Variants in CELSR3 observed in about 807,000 individuals in gnomAD.
CELSR3 encodes the protein cadherin EGF LAG seven-pass G-type receptor 3.
CELSR3 carries 73 observed loss-of-function variants against 270.0 expected under a neutral mutation model. That is an observed-to-expected ratio of 0.27 (90% confidence interval 0.22 to 0.33). The LOEUF (loss-of-function observed/expected upper bound fraction) is 0.33. Ranked by LOEUF, CELSR3 falls within the 10% of genes least tolerant of loss-of-function variation. The pLI, the probability that CELSR3 is intolerant of heterozygous loss-of-function variation, is 1.00. For synonymous variants in CELSR3, 1,780 were observed against 1,905.4 expected, an observed-to-expected ratio of 0.93 and a Z score of 1.71; for missense variants, 3,614 against 4,533.8, an observed-to-expected ratio of 0.80 and a Z score of 5.83.
chr3:48,648,130 T>C (rs2047104099), intron 19 of CELSR3, 134 bp from the exon 20 acceptor site: 1 of 1,429,882 alleles, frequency 7.0e-7, no homozygotes, highest in Non-Finnish European at 9.5e-7. Flanking sequence ...AGCCTGTCCC[T>C]ACAAAACGCT....
Position 48,659,737 on chromosome 3 carries a change from A to G in CELSR3, c.2898T>C (p.Tyr966=), listed in dbSNP as rs761008552. The G allele has an allele frequency of 6.2e-6, 10 of 1,614,218 alleles. No homozygotes were observed. The South Asian group carries it at 1.1e-4, about 18-fold the overall frequency. ...DNAPQFVASH[Y]TGLVSEDAPP... is the part of the protein sequence containing the mutation. ...GGGCATCCTCAGAGACCAGCCCTGT[A>G]TAGTGGGAGGCCACAAATTGTGGAG... Residue 966 remains tyrosine (Y), a synonymous_variant, in exon 1 of 35, where the codon TAT becomes TAC. Transcript: ENST00000164024. This position sits in a 1 kb window ranked among gnomAD's most constrained non-coding sequence, Gnocchi z 8.1.
At position 48,654,435 on chromosome 3, in the gene CELSR3, C is replaced by A; in HGVS notation, c.5006G>T (p.Gly1669Val). The A allele has an allele frequency of 1.3e-6, 2 of 1,595,384 alleles. No individual in the cohort carries two copies. The highest frequency in any genetic ancestry group is 1.7e-6 in the Non-Finnish European group (2 of 1,167,672). ...GGGGACACCTCCCAGAAGAAGAGGG[C>A]CCGTCAGGTCCAGGGACCTGGGGAT... The part of the protein sequence containing the change: ...TSSKKSLDLT[G>V]PLLLGGVPNL... Residue 1669 changes from glycine to valine, a missense_variant, in exon 7 of 35, where the codon GGC becomes GTC. Gly to Val is a moderately radical substitution (Grantham distance 109). Around this residue, in one of 7 missense-constraint regions of CELSR3, gnomAD observed 1,331 missense variants for 1,933.7 expected, o/e 0.69. Transcript: ENST00000164024. This position sits in a 1 kb window ranked among gnomAD's most constrained non-coding sequence, Gnocchi z 5.4.
In CELSR3 at chr3:48,639,938, G is replaced by T. The variant is rs1389951176; in HGVS notation, c.9647C>A (p.Ala3216Asp). 9 of 1,612,926 alleles carry T rather than the reference G, an allele frequency of 5.6e-6. No homozygotes were observed. The highest frequency in any genetic ancestry group is 1.3e-5 in the African/African-American group (1 of 74,936). Residue 3216 changes from alanine to aspartate, a missense_variant, in exon 34 of 35, where the codon GCC becomes GAC. Ala to Asp is a moderately radical substitution (Grantham distance 126). Transcript: ENST00000164024. This position sits in a 1 kb window ranked among gnomAD's most constrained non-coding sequence, Gnocchi z 4.1. ...GAGCAGCTGCGGGAGTGGCCCAAGG[G>T]CTTCTCGTGAGGGGTGCCGGCTAGG... ...QVPSRHPSRE[A>D]LGPLPQLLRA...
In CELSR3 at chr3:48,656,332, C is replaced by A; in HGVS notation, c.4433G>T (p.Arg1478Leu). Residue 1478 changes from arginine (R) to leucine (L), a missense_variant, in exon 3 of 35, where the codon CGC becomes CTC. This residue lies in a region of CELSR3 where 1,331 missense variants were observed against 1,933.7 expected (regional missense o/e 0.69). Coordinates refer to ENST00000164024, the MANE Select transcript of CELSR3 (RefSeq NM_001407.3). The stretch of plus-strand genomic sequence containing the variant: ...GTTGCGGCAGACGCCCGGCACGCAG[C>A]GGCCGGCCTCGGTGTCCAGCTCGCA... ...EDCELDTEAG[R>L]CVPGVCRNGG... 7.0e-7 allele frequency: 1 copy of A among 1,438,794 alleles called. No individual in the cohort carries two copies. Among genetic ancestry groups the A allele is most frequent in the Non-Finnish European group, 9.0e-7 (1 of 1,110,016 alleles). The allele number at this position is 1,438,794 out of a possible 1,614,324, so 89.1% of individuals were successfully genotyped here.
In CELSR3 at chr3:48,652,333, C is replaced by T. The variant is rs548114016; in HGVS notation, c.5751+104G>A. 17 of 976,550 alleles carry T rather than the reference C, an allele frequency of 1.7e-5. No homozygotes were observed. Among genetic ancestry groups the T allele is most frequent in the Admixed American group, 3.5e-5 (2 of 57,368 alleles). The allele number at this position is 976,550 out of a possible 1,614,324, so 60.5% of individuals were successfully genotyped here. ...CTCAACTCTGGGTCATTCACCCCCT[C>T]GCACCAACCCCCACTTGAATACTGC... On this transcript the variant is annotated intron_variant, in intron 11 of 34. Transcript: ENST00000164024. This position sits in a 1 kb window ranked among gnomAD's most constrained non-coding sequence, Gnocchi z 4.3.
rs1387473817 is a variant in CELSR3, at chr3:48,656,235, G to A, written c.4530C>T (p.Gly1510=). 8 of 1,534,822 alleles carry A rather than the reference G, an allele frequency of 5.2e-6. No individual in the cohort carries two copies. Among genetic ancestry groups the A allele is most frequent in the Non-Finnish European group, 6.1e-6 (7 of 1,146,342 alleles). The change falls in exon 3 of 35, where the codon GGC becomes GGT. Residue 1510 remains glycine (G), a synonymous_variant. Coordinates refer to ENST00000164024, the MANE Select transcript of CELSR3 (RefSeq NM_001407.3). ...CQCPAGGAFE[G]PRCEVAARSF... is the part of the protein sequence containing the mutation. Reference sequence around the variant, plus strand: ...AGCGCGCAGCCACCTCGCAGCGCGGGCCCTCGAAGGCGCCGCCTGCCGGGC... The same window carrying A: ...AGCGCGCAGCCACCTCGCAGCGCGGACCCTCGAAGGCGCCGCCTGCCGGGC...
Position 48,657,378 on chromosome 3 carries a change from C to T in CELSR3, c.3749-30G>A. 1 of 1,537,206 alleles carries T rather than the reference C, an allele frequency of 6.5e-7. No homozygotes were observed. Among genetic ancestry groups the T allele is most frequent in the Non-Finnish European group, 8.8e-7 (1 of 1,142,766 alleles). ...AGGCGGGGGCAGGGGCAGTGGTCATCCTGGGGACAGTGGCCACCCCTCCCT... is the reference window on the plus strand; with the variant it reads ...AGGCGGGGGCAGGGGCAGTGGTCATTCTGGGGACAGTGGCCACCCCTCCCT... On this transcript the variant is annotated intron_variant, in intron 1 of 34. Transcript: ENST00000164024. This position sits in a 1 kb window ranked among gnomAD's most constrained non-coding sequence, Gnocchi z 5.4.
In CELSR3 at chr3:48,639,676, T is replaced by C. The variant is rs1013283027; in HGVS notation, c.9909A>G (p.Ser3303=). The change falls in exon 34 of 35, where the codon TCA becomes TCG. Residue 3303 remains serine, a splice_region_variant and synonymous_variant. Transcript: ENST00000164024. The surrounding 1 kb of genome is among the most constrained non-coding windows in gnomAD (Gnocchi z 4.1). ...GCAGGTGGCTGGACCATACTTACTC[T>C]GAGTCTGGCGACAGCTCCGAGATGC... ...SHSISELSPD[S]EVPRSEGHS is the part of the protein sequence containing the mutation. The C allele has an allele frequency of 3.7e-6, 6 of 1,613,184 alleles. No individual in the cohort carries two copies. Among genetic ancestry groups the C allele is most frequent in the Non-Finnish European group, 3.4e-6 (4 of 1,179,864 alleles).
Position 48,657,360 on chromosome 3 carries a change from G to C in CELSR3, c.3749-12C>G. Reference sequence around the variant, plus strand: ...GCTGTGCAGGCCATCTGCAGGCGGGGGCAGGGGCAGTGGTCATCCTGGGGA... The same window carrying C: ...GCTGTGCAGGCCATCTGCAGGCGGGCGCAGGGGCAGTGGTCATCCTGGGGA... On this transcript the variant is annotated splice_polypyrimidine_tract_variant and intron_variant, in intron 1 of 34. Transcript: ENST00000164024. The surrounding 1 kb of genome is among the most constrained non-coding windows in gnomAD (Gnocchi z 5.4). 6.4e-7 allele frequency: 1 copy of C among 1,571,108 alleles called. No homozygotes were observed. Among genetic ancestry groups the C allele is most frequent in the South Asian group, 1.2e-5 (1 of 86,106 alleles).
rs556200170 is a variant in CELSR3, at chr3:48,637,288, T to A, written c.*917A>T. The stretch of plus-strand genomic sequence containing the variant: ...ACATAGGAGGCAGTGGCACCTACAT[T>A]CTGGGTCTTGAATTCCCTTGTTTCT... On this transcript the variant is annotated 3_prime_UTR_variant, in exon 35 of 35. Transcript: ENST00000164024. 1 of 152,650 alleles carries A rather than the reference T, an allele frequency of 6.6e-6. No homozygotes were observed. Among genetic ancestry groups the A allele is most frequent in the East Asian group, 1.9e-4 (1 of 5,166 alleles). 9.5% of individuals were successfully genotyped at this position (152,650 alleles called of 1,614,324 possible).
chr3:48,654,697 C>T lies in CELSR3; in HGVS notation c.4989-245G>A, dbSNP rs2047165283. Among the ~76,000 whole-genome samples, 1 of 151,818 alleles carries T rather than the reference C, an allele frequency of 6.6e-6. No individual in the cohort carries two copies. Among genetic ancestry groups the T allele is most frequent in the Non-Finnish European group, 1.5e-5 (1 of 67,976 alleles). ...TGAGAGCTATGATGAAAGAATGAGG[C>T]ATCTGGCTGGCTGGGGAGGGGATGG... On this transcript the variant is annotated intron_variant, in intron 6 of 34. Transcript: ENST00000164024. The surrounding 1 kb of genome is among the most constrained non-coding windows in gnomAD (Gnocchi z 5.4).
rs763264934 is a variant in CELSR3 at position 48,648,423 on chromosome 3, C to G, written c.6816G>C (p.Glu2272Asp). Residue 2272 changes from glutamate to aspartate, a missense_variant, in exon 19 of 35, where the codon GAG becomes GAC. Around this residue, in one of 7 missense-constraint regions of CELSR3, gnomAD observed 1,331 missense variants for 1,933.7 expected, o/e 0.69. Transcript: ENST00000164024. ...CCAGCGCCGCCCACAAGTCCCCTGT[C>G]TCTGGGGCAAGCAGTGCAGAGCCGG... ...LWAGSALLAP[E>D]TGDLWAALGQ... 22 of 1,600,940 alleles carry G rather than the reference C, an allele frequency of 1.4e-5. No individual in the cohort carries two copies. The highest frequency in any genetic ancestry group is 1.9e-5 in the Non-Finnish European group (22 of 1,175,166).
chr3:48,641,858 G>C lies in CELSR3; in HGVS notation c.8817C>G (p.His2939Gln). ...RAAQSERLLTHPKDVDGNDLL... is the reference protein window; with the variant it reads ...RAAQSERLLTQPKDVDGNDLL... ...TCAGAGGGCGCCTGGCACCTTTGGG[G>C]TGGGTGAGGAGCCTCTCACTCTGGG... The change falls in exon 32 of 35, where the codon CAC (histidine) becomes CAG (glutamine). Residue 2939 changes from histidine (H) to glutamine (Q), a missense_variant. By Grantham distance (24) the His-to-Gln change is conservative (BLOSUM62 0). Around this residue, in one of 7 missense-constraint regions of CELSR3, gnomAD observed 1,240 missense variants for 1,351.7 expected, o/e 0.92. Transcript: ENST00000164024. This position sits in a 1 kb window ranked among gnomAD's most constrained non-coding sequence, Gnocchi z 4.8. 2 of 1,472,318 alleles carry C rather than the reference G, an allele frequency of 1.4e-6. No individual in the cohort carries two copies. Among genetic ancestry groups the C allele is most frequent in the Non-Finnish European group, 1.8e-6 (2 of 1,111,300 alleles). The allele number at this position is 1,472,318 out of a possible 1,614,324, so 91.2% of individuals were successfully genotyped here.
In CELSR3 at chr3:48,642,508, G is replaced by A. The variant is rs764940904; in HGVS notation, c.8556-41C>T. ...CCCCCCCACCATGAAAGAGGGATGT[G>A]ATGGGGTGCCTTGGAGGCTGGAGTG... On this transcript the variant is annotated intron_variant, in intron 30 of 34. Coordinates refer to ENST00000164024, the MANE Select transcript of CELSR3 (RefSeq NM_001407.3). The surrounding 1 kb of genome is among the most constrained non-coding windows in gnomAD (Gnocchi z 6.1). The A allele has an allele frequency of 1.9e-6, 3 of 1,591,742 alleles. No homozygotes were observed. The South Asian group carries it at 3.4e-5, about 18-fold the overall frequency.
chr3:48,656,393 G>A (rs988372293), intron 2 of CELSR3, 28 bp from the exon 3 acceptor site: 2 of 1,393,904 alleles, frequency 1.4e-6, no homozygotes, highest in Non-Finnish European at 1.8e-6. Flanking sequence ...GTCAGAGGCG[G>A]TCACGCCCAC....
At position 48,639,023 on chromosome 3, in the gene CELSR3, A is replaced by G. The variant is rs554430745; in HGVS notation, c.9911+651T>C. On this transcript the variant is annotated intron_variant, in intron 34 of 34. Coordinates refer to ENST00000164024, the MANE Select transcript of CELSR3 (RefSeq NM_001407.3). This position sits in a 1 kb window ranked among gnomAD's most constrained non-coding sequence, Gnocchi z 4.1. ...AAGCTCCTGGTTCCTCCCCACTCCC[A>G]CCAGTCCCTCTCGGACTCCTGTGTA... Among the ~76,000 whole-genome samples, 1 of 150,684 alleles carries G rather than the reference A, an allele frequency of 6.6e-6. No individual in the cohort carries two copies. Among genetic ancestry groups the G allele is most frequent in the South Asian group, 2.1e-4 (1 of 4,768 alleles).
In CELSR3 at chr3:48,654,408, T is replaced by C. The variant is rs760304129; in HGVS notation, c.5033A>G (p.Asn1678Ser). ...TGPLLLGGVP[N>S]LPENFPVSHK... ...GGATACGGGGAAGTTCTCGGGGAGG[T>C]TGGGGACACCTCCCAGAAGAAGAGG... The change falls in exon 7 of 35, where the codon AAC becomes AGC. Residue 1678 changes from asparagine (N) to serine (S), a missense_variant. Physicochemically the swap from Asn to Ser is conservative, Grantham distance 46 (BLOSUM62 1). Transcript: ENST00000164024. This position sits in a 1 kb window ranked among gnomAD's most constrained non-coding sequence, Gnocchi z 5.4. 45 of 1,606,380 alleles carry C rather than the reference T, an allele frequency of 2.8e-5. No homozygotes were observed. Among genetic ancestry groups the C allele is most frequent in the Admixed American group, 1.5e-4 (9 of 59,668 alleles).
rs777597109 is a variant in CELSR3, at chr3:48,651,631, T to TG, written c.6010dup (p.His2004ProfsTer6). 5 of 1,591,832 alleles carry TG rather than the reference T, an allele frequency of 3.1e-6. No homozygotes were observed. The highest frequency in any genetic ancestry group is 1.8e-5 in the Admixed American group (1 of 56,966). On this transcript the variant is annotated frameshift_variant, in exon 13 of 35. Coordinates refer to ENST00000164024, the MANE Select transcript of CELSR3 (RefSeq NM_001407.3). LOFTEE classifies it high-confidence loss of function. The surrounding 1 kb of genome is among the most constrained non-coding windows in gnomAD (Gnocchi z 7.4). ...ACCCACACAGTCACAGGTATAGCCATGGGGGGCTCCTGGCAGGTGCCGGCA... is the reference window on the plus strand; with the variant it reads ...ACCCACACAGTCACAGGTATAGCCATGGGGGGGCTCCTGGCAGGTGCCGGCA...
Position 48,651,718 on chromosome 3 carries a change from C to G in CELSR3, c.5924G>C (p.Gly1975Ala). 1 of 1,541,154 alleles carries G rather than the reference C, an allele frequency of 6.5e-7. No individual in the cohort carries two copies. The highest frequency in any genetic ancestry group is 8.7e-7 in the Non-Finnish European group (1 of 1,147,066). Residue 1975 changes from glycine (G) to alanine (A), a missense_variant and splice_region_variant, in exon 13 of 35, where the codon GGT becomes GCT. This residue lies in a region of CELSR3 where 1,331 missense variants were observed against 1,933.7 expected (regional missense o/e 0.69). Coordinates refer to ENST00000164024, the MANE Select transcript of CELSR3 (RefSeq NM_001407.3). This position sits in a 1 kb window ranked among gnomAD's most constrained non-coding sequence, Gnocchi z 7.4. Reference protein sequence around the residue: ...WQTFSCTCQPGYYGPGCVDAC... With the variant: ...WQTFSCTCQPAYYGPGCVDAC... ...ATCCACACAGCCTGGGCCGTAGTAA[C>G]CTGCAGATTGGGTCAGAAAGCTCAG... is the stretch of plus-strand genomic sequence containing the variant.
Sources: allele counts gnomAD v4.1 joint callset (sites outside exome capture counted in the v4.1 genomes callset), GRCh38; gene constraint gnomAD v4.1.1; regional missense constraint gnomAD v4.1.1; non-coding constraint Gnocchi (gnomAD v3.1); transcripts MANE v1.5; gene names NCBI Gene and HGNC (gene_info 2026-07-23, HGNC 2026-07-21).